Variants in NEDD4 observed in about 807,000 individuals in gnomAD.
The protein encoded by NEDD4 is NEDD4 E3 ubiquitin protein ligase.
Under a neutral mutation model 144.9 loss-of-function variants are expected in NEDD4, and 99 were observed. That is an observed-to-expected ratio of 0.68 (90% CI 0.58 to 0.81). The LOEUF (loss-of-function observed/expected upper bound fraction) is 0.81, where lower values mean the gene tolerates loss of function less well. Ranked by LOEUF, NEDD4 falls within the 30% of genes least tolerant of loss-of-function variation. NEDD4 has a pLI of 0.00. For synonymous variants in NEDD4, 318 were observed against 350.6 expected (o/e 0.91, Z 1.04); for missense variants, 985 against 1,065.9 (o/e 0.92, Z 1.06).
At chr15:55,853,758 G>A (rs1172555047) in intron 12 of NEDD4, among the ~76,000 whole-genome samples, 1 of 152,194 alleles carries the variant, frequency 6.6e-6, no homozygotes. Flanking sequence ...GGGGGCTGAG[G>A]TGGGCGGATC....
intron 5 of NEDD4, among the ~76,000 whole-genome samples, chr15:55,902,773 T>G (rs966626220): frequency 6.6e-6 from 1 of 152,052 alleles, no homozygotes; most frequent in Non-Finnish European, 1.5e-5. Flanking sequence ...TATGTGTTAA[T>G]CAATAAAAGT....
chr15:55,854,618 G>C (rs1325637957), intron 12 of NEDD4, among the ~76,000 whole-genome samples: 1 of 152,146 alleles, frequency 6.6e-6, no homozygotes, highest in Non-Finnish European at 1.5e-5. Context: ...ACTGAGAGTA[G>C]GCATAGGGAT....
intron 21 of NEDD4, among the ~76,000 whole-genome samples, chr15:55,839,989 AAAAAAAAAAAATATATATATATAT>A (rs1566900869): frequency 3.6e-5 from 2 of 55,186 alleles, no homozygotes; most frequent in African/African-American, 1.5e-4. Flanking sequence ...AAAAAAAAAA[AAAAAAAAAAAATATATATATATAT>A]ATATATATAT....
chr15:55,836,468 G>A lies in NEDD4; in HGVS notation c.2262+1321C>T, dbSNP rs570312414. On this transcript the variant is annotated intron_variant, in intron 24 of 28. Transcript: ENST00000435532. ...TGTAGCCTCGACTTCCCAGGCTCAA[G>A]TGATCCTCCAGCCTCAGCCTCCCAA... is the stretch of plus-strand genomic sequence containing the variant. Among the ~76,000 whole-genome samples the A allele has an allele frequency of 1.6e-4, 25 of 152,200 alleles. 1 individual carries two copies. The South Asian group carries it at 5.2e-3, about 32-fold the overall frequency.
chr15:55,975,443 G>C (rs2037683525), intron 1 of NEDD4, among the ~76,000 whole-genome samples: 1 of 152,044 alleles, frequency 6.6e-6, no homozygotes, highest in Non-Finnish European at 1.5e-5. Flanking sequence ...TTTAATTTAA[G>C]AAACAAGGTA....
chr15:55,917,968 A>G (rs1476001783), intron 5 of NEDD4, among the ~76,000 whole-genome samples: 5 of 152,186 alleles, frequency 3.3e-5, no homozygotes, highest in Admixed American at 6.5e-5. Context: ...TCAAATAAAC[A>G]TGTCTCAATG....
At chr15:55,979,442 T>C (rs971973519) in intron 1 of NEDD4, among the ~76,000 whole-genome samples, 1 of 144,964 alleles carries the variant, frequency 6.9e-6, no homozygotes, top group Non-Finnish European at 1.5e-5. Flanking sequence ...CAAGCTCCGC[T>C]TCCCGGGTTC....
intron 4 of NEDD4, among the ~76,000 whole-genome samples, chr15:55,925,732 T>C (rs1299906746): frequency 6.6e-6 from 1 of 152,184 alleles, no homozygotes; most frequent in Non-Finnish European, 1.5e-5. Flanking sequence ...CCTAACTCAG[T>C]GTCTACTTTT....
intron 8 of NEDD4, among the ~76,000 whole-genome samples, chr15:55,863,564 T>C (rs907327731): frequency 2.0e-5 from 3 of 152,258 alleles, no homozygotes; most frequent in East Asian, 1.9e-4. Flanking sequence ...TATACAATTA[T>C]TGTCAATCAA....
rs1204580809 is a variant in NEDD4, at chr15:55,958,924, T to C, written c.120-7335A>G. ...CCTTCTCTCTAACTCTTGATCATTC[T>C]AGCTAGAGGTTTAAAACTTTAATTG... is the stretch of plus-strand genomic sequence containing the variant. On this transcript the variant is annotated intron_variant, in intron 2 of 28. Coordinates refer to ENST00000435532, the MANE Select transcript of NEDD4 (RefSeq NM_006154.4). Among the ~76,000 whole-genome samples the C allele has an allele frequency of 3.7e-5, 4 of 107,804 alleles. No individual in the cohort carries two copies. The East Asian group carries it at 8.5e-4, about 23-fold the overall frequency. The allele number at this position is 107,804 out of a possible 152,430, so 70.7% of individuals were successfully genotyped here.
At chr15:55,845,798 CTT>C (rs11449030) in intron 18 of NEDD4, among the ~76,000 whole-genome samples, 3 of 143,130 alleles carry the variant, frequency 2.1e-5, no homozygotes, top group Admixed American at 7.0e-5. Context: ...TTTCTTTTTT[CTT>C]TTTTTTTTTT....
At chr15:55,981,917 C>T (rs532234986) in intron 1 of NEDD4, among the ~76,000 whole-genome samples, 1 of 152,286 alleles carries the variant, frequency 6.6e-6, no homozygotes, top group South Asian at 2.1e-4. Context: ...AAATACTAGA[C>T]TTTATTCAAT....
chr15:55,924,069 G>A (rs1362510002), intron 5 of NEDD4, among the ~76,000 whole-genome samples: 2 of 152,176 alleles, frequency 1.3e-5, no homozygotes, highest in South Asian at 2.1e-4. Flanking sequence ...TAGGAATTCA[G>A]AAATCAGAAC....
chr15:55,952,924 A>G (rs1264097212), intron 2 of NEDD4, among the ~76,000 whole-genome samples: 1 of 152,196 alleles, frequency 6.6e-6, no homozygotes, highest in Non-Finnish European at 1.5e-5. Flanking sequence ...TAAAAACAAG[A>G]ACACTTATAT....
chr15:55,989,929 C>T (rs1452063579), intron 1 of NEDD4, among the ~76,000 whole-genome samples: 2 of 152,128 alleles, frequency 1.3e-5, no homozygotes, highest in African/African-American at 2.4e-5. Context: ...ACCTCCGGAG[C>T]TCTGCTGCCT....
rs1366801510 is a variant in NEDD4, at chr15:55,830,414, C to T, written c.2600+100G>A. On this transcript the variant is annotated intron_variant, in intron 28 of 28. Transcript: ENST00000435532. ...TCTTACCCATAATCCATACCTGCCA[C>T]CGACATAACACAGAGGAGACTAGCC... 2.0e-5 allele frequency: 21 copies of T among 1,049,592 alleles called. No homozygotes were observed. In the East Asian group the frequency reaches 4.7e-4, roughly 24 times the overall value. The allele number at this position is 1,049,592 out of a possible 1,614,324, so 65.0% of individuals were successfully genotyped here.
At chr15:55,916,543 T>G (rs752762351) in intron 5 of NEDD4, 2 of 1,614,140 alleles carry the variant, frequency 1.2e-6, no homozygotes, top group East Asian at 2.2e-5. Context: ...AGATATCCAC[T>G]GTACCTTGTT....
At chr15:55,963,154 C>A (rs2037453921) in intron 2 of NEDD4, among the ~76,000 whole-genome samples, 1 of 122,774 alleles carries the variant, frequency 8.1e-6, no homozygotes, top group African/African-American at 2.9e-5. Flanking sequence ...TTTTTTGAGA[C>A]AGGGTCTCAC....
intron 4 of NEDD4, among the ~76,000 whole-genome samples, chr15:55,948,207 T>A (rs1299278855): frequency 6.6e-6 from 1 of 152,070 alleles, no homozygotes; most frequent in Non-Finnish European, 1.5e-5. Flanking sequence ...CACAATTGCT[T>A]CAAAGAGAAT....
Sources: gnomAD v4.1 joint callset for allele counts (sites outside exome capture counted in the v4.1 genomes callset) on GRCh38, gnomAD v4.1.1 for gene constraint, MANE v1.5 for transcripts, NCBI Gene and HGNC (gene_info 2026-07-23, HGNC 2026-07-21) for gene names.